SHISA9: variants seen among roughly 807,000 people sequenced by gnomAD.
The protein encoded by SHISA9 is shisa family member 9, also known as protein shisa-9.
In SHISA9, 13 loss-of-function variants were observed where a neutral mutation model predicts 38.0. The observed-to-expected ratio is 0.34, with a 90% confidence interval of 0.22 to 0.54. The LOEUF (loss-of-function observed/expected upper bound fraction) is 0.54, where lower values mean the gene tolerates loss of function less well. SHISA9 is among the 20% of genes least tolerant of loss of function. SHISA9 has a pLI of 0.91. For synonymous variants in SHISA9, 275 were observed against 242.0 expected (o/e 1.14, Z -1.27); for missense variants, 538 against 575.8 (o/e 0.93, Z 0.67).
intron 2 of SHISA9, among the ~76,000 whole-genome samples, chr16:13,137,656 A>G (rs750573064): frequency 3.3e-5 from 5 of 152,056 alleles, no homozygotes; most frequent in Non-Finnish European, 5.9e-5. Context: ...GGGTTTCACC[A>G]TGTTGGCCAG....
At chr16:13,152,446 C>T (rs117535985) in intron 2 of SHISA9, among the ~76,000 whole-genome samples, 4,781 of 152,148 alleles carry the variant, frequency 0.031, 105 homozygotes, top group Non-Finnish European at 0.051. Context: ...GGAAGAAAAG[C>T]GAGATATTAA....
the SHISA9 span, among the ~76,000 whole-genome samples, chr16:13,323,668 G>A: frequency 2.0e-5 from 3 of 152,150 alleles, no homozygotes; most frequent in Non-Finnish European, 4.4e-5. Context: ...AGGCAAAAGG[G>A]AAACAAGGTA....
At chr16:12,941,044 C>T (rs1263940325) in intron 2 of SHISA9, among the ~76,000 whole-genome samples, 3 of 152,090 alleles carry the variant, frequency 2.0e-5, no homozygotes, top group Admixed American at 1.3e-4. Context: ...TGGAATGTAC[C>T]TTTAGAAAAA....
intron 2 of SHISA9, among the ~76,000 whole-genome samples, chr16:13,142,373 A>C (rs1413979790): frequency 6.6e-6 from 1 of 152,184 alleles, no homozygotes; most frequent in Non-Finnish European, 1.5e-5. Context: ...TGAGGCGGGC[A>C]GTTTAATTTT....
At chr16:13,383,066 C>T in the SHISA9 span, among the ~76,000 whole-genome samples, 2 of 152,172 alleles carry the variant, frequency 1.3e-5, no homozygotes, top group African/African-American at 2.4e-5. Context: ...TCATCACCCT[C>T]ATGGAACTTA....
At chr16:13,243,940 T>C (rs182254858), downstream of SHISA9, among the ~76,000 whole-genome samples, 45 of 152,174 alleles carry the variant, frequency 3.0e-4, no homozygotes, top group Admixed American at 2.4e-3. Flanking sequence ...ACCTGGCTAA[T>C]TTTTTGTCTT....
At chr16:13,016,773 G>A (rs898037362) in intron 2 of SHISA9, among the ~76,000 whole-genome samples, 1 of 152,146 alleles carries the variant, frequency 6.6e-6, no homozygotes, top group African/African-American at 2.4e-5. Context: ...GTAGGAAAAA[G>A]AATGAGATCA....
intron 2 of SHISA9, among the ~76,000 whole-genome samples, chr16:13,070,339 C>G (rs967397598): frequency 2.0e-5 from 3 of 152,180 alleles, no homozygotes; most frequent in African/African-American, 4.8e-5. Flanking sequence ...AGCACCCAGT[C>G]TCTGTGTTGG....
chr16:12,942,295 G>A (rs1352593487), intron 2 of SHISA9, among the ~76,000 whole-genome samples: 1 of 152,240 alleles, frequency 6.6e-6, no homozygotes, highest in Non-Finnish European at 1.5e-5. Flanking sequence ...TGCACTGAGA[G>A]GGAAAGGGCA....
chr16:13,273,763 A>G, the SHISA9 span, among the ~76,000 whole-genome samples: 1 of 152,186 alleles, frequency 6.6e-6, no homozygotes, highest in African/African-American at 2.4e-5. Flanking sequence ...AAGAGGCCAC[A>G]GGAGCAGACA....
At chr16:13,243,458 G>T (rs2051449804), downstream of SHISA9, among the ~76,000 whole-genome samples, 1 of 152,210 alleles carries the variant, frequency 6.6e-6, no homozygotes, top group African/African-American at 2.4e-5. Context: ...GGGCTTCCAG[G>T]CTATAGGTAA....
At chr16:13,311,688 A>G in the SHISA9 span, among the ~76,000 whole-genome samples, 1 of 152,164 alleles carries the variant, frequency 6.6e-6, no homozygotes, top group African/African-American at 2.4e-5. Flanking sequence ...CTTTCAAATA[A>G]ATGGAGATTG....
intron 2 of SHISA9, among the ~76,000 whole-genome samples, chr16:13,045,626 G>C (rs1474872357): frequency 6.6e-6 from 1 of 150,840 alleles, no homozygotes; most frequent in Admixed American, 6.6e-5. Context: ...GAGGGAGAGG[G>C]AGAGGGAGAG....
chr16:13,356,460 C>T, the SHISA9 span, among the ~76,000 whole-genome samples: 2 of 152,080 alleles, frequency 1.3e-5, no homozygotes, highest in Admixed American at 1.3e-4. Flanking sequence ...GCTCCAGCCA[C>T]CTTTTTAAGA....
chr16:13,353,715 G>T, the SHISA9 span, among the ~76,000 whole-genome samples: 1 of 152,136 alleles, frequency 6.6e-6, no homozygotes, highest in Non-Finnish European at 1.5e-5. Flanking sequence ...TTCTGAGAAG[G>T]GAAAGTGGTA....
the SHISA9 span, among the ~76,000 whole-genome samples, chr16:13,552,075 T>G: frequency 1.3e-5 from 2 of 152,164 alleles, no homozygotes; most frequent in African/African-American, 4.8e-5. Context: ...GCATTTTGCT[T>G]CAGCTTTGTG....
At chr16:13,225,132 C>T (rs566104487) in intron 4 of SHISA9, among the ~76,000 whole-genome samples, 1 of 152,062 alleles carries the variant, frequency 6.6e-6, no homozygotes, top group Non-Finnish European at 1.5e-5. Flanking sequence ...TGGAAAATGG[C>T]CACGTGAAGT....
At chr16:13,465,568 T>C in the SHISA9 span, among the ~76,000 whole-genome samples, 1 of 152,078 alleles carries the variant, frequency 6.6e-6, no homozygotes, top group African/African-American at 2.4e-5. Context: ...AACAAAGATA[T>C]CAAATGGTAC....
intron 2 of SHISA9, among the ~76,000 whole-genome samples, chr16:12,955,195 G>A (rs1409445412): frequency 6.6e-6 from 1 of 152,086 alleles, no homozygotes; most frequent in East Asian, 1.9e-4. Context: ...TAGACAATGG[G>A]CATGTCAGGA....
Sources: allele counts gnomAD v4.1 joint callset (sites outside exome capture counted in the v4.1 genomes callset), GRCh38; gene constraint gnomAD v4.1.1; transcripts MANE v1.5; gene names NCBI Gene and HGNC (gene_info 2026-07-23, HGNC 2026-07-21).